The following LRP1B variants were observed in gnomAD, a reference collection of about 807,000 sequenced individuals.
LRP1B encodes low-density lipoprotein receptor-related protein 1B.
Under a neutral mutation model 556.6 loss-of-function variants are expected in LRP1B, and 217 were observed. That is an observed-to-expected ratio of 0.39 (90% confidence interval 0.35 to 0.44). The LOEUF (loss-of-function observed/expected upper bound fraction) is 0.44. Among genes scored for constraint, LRP1B ranks in the 20% least tolerant of loss-of-function variants. The pLI, the probability that LRP1B is intolerant of heterozygous loss-of-function variation, is 1.00. For missense variants in LRP1B, 5,053 were observed against 5,620.8 expected (o/e 0.90, Z 3.23); for synonymous variants, 2,047 against 1,865.8 (o/e 1.10, Z -2.50).
intron 32 of LRP1B, among the ~76,000 whole-genome samples, chr2:140,790,104 A>G (rs1349353498): frequency 3.9e-5 from 6 of 152,010 alleles, no homozygotes; most frequent in Non-Finnish European, 8.8e-5. Context: ...ACATTTTTGT[A>G]TATATTTATG....
intron 1 of LRP1B, among the ~76,000 whole-genome samples, chr2:141,974,745 A>T (rs900149836): frequency 6.6e-6 from 1 of 152,130 alleles, no homozygotes; most frequent in African/African-American, 2.4e-5. Context: ...GGAAAAAGAC[A>T]ACTAGCCTGA....
At chr2:141,675,571 T>C (rs891500831) in intron 2 of LRP1B, among the ~76,000 whole-genome samples, 29 of 151,940 alleles carry the variant, frequency 1.9e-4, no homozygotes, top group African/African-American at 6.0e-4. Context: ...ACCTACCCTA[T>C]AGGGATTTTG....
intron 2 of LRP1B, among the ~76,000 whole-genome samples, chr2:141,665,929 G>A (rs2105403625): frequency 6.6e-6 from 1 of 152,190 alleles, no homozygotes; most frequent in East Asian, 1.9e-4. Flanking sequence ...CATGGACATA[G>A]GGAGGGGAAC....
chr2:140,789,909 C>T (rs918873555), intron 32 of LRP1B, among the ~76,000 whole-genome samples: 4 of 151,966 alleles, frequency 2.6e-5, no homozygotes, highest in Admixed American at 6.6e-5. Context: ...GGATTACAGG[C>T]GTGAGCCACC....
chr2:141,112,522 C>A (rs1242995685), intron 7 of LRP1B, among the ~76,000 whole-genome samples: 1 of 152,114 alleles, frequency 6.6e-6, no homozygotes, highest in Non-Finnish European at 1.5e-5. Flanking sequence ...TTTGTTCAAG[C>A]ACGAGTTATA....
At chr2:140,239,378 T>A in intron 88 of LRP1B, 64 bp downstream of exon 88, 1 of 1,014,582 alleles carries the variant, frequency 9.9e-7, no homozygotes, top group Non-Finnish European at 1.5e-6. Context: ...CAACAAACAT[T>A]ATGTTTCTGC....
intron 25 of LRP1B, among the ~76,000 whole-genome samples, chr2:140,883,075 C>T (rs1050585463): frequency 6.6e-6 from 1 of 152,110 alleles, no homozygotes; most frequent in Admixed American, 6.6e-5. Flanking sequence ...GTTATTATCC[C>T]CAATTCATAG....
At chr2:141,924,224 A>T (rs1700275019) in intron 1 of LRP1B, among the ~76,000 whole-genome samples, 1 of 151,950 alleles carries the variant, frequency 6.6e-6, no homozygotes, top group South Asian at 2.1e-4. Context: ...TGTAGCAGGG[A>T]AAGAGAGAAG....
At position 140,444,351 on chromosome 2, in the gene LRP1B, C is replaced by T. The variant is rs1558886537; in HGVS notation, c.10273G>A (p.Glu3425Lys). Reference protein sequence around the residue: ...RCNGQDDCGDEEDERDCPENS... With the variant: ...RCNGQDDCGDKEDERDCPENS... Reference sequence around the variant, plus strand: ...TTACGACAGTCTCTTTCATCTTCCTCATCACCACAGTCATCTTGCCCATTA... The same window carrying T: ...TTACGACAGTCTCTTTCATCTTCCTTATCACCACAGTCATCTTGCCCATTA... The change falls in exon 65 of 91, where the codon GAG (glutamate) becomes AAG (lysine). Residue 3425 changes from glutamate (E) to lysine (K), a missense_variant. Transcript: ENST00000389484. The T allele has an allele frequency of 1.2e-6, 2 of 1,613,960 alleles. No homozygotes were observed. The highest frequency in any genetic ancestry group is 8.5e-7 in the Non-Finnish European group (1 of 1,179,904).
At chr2:140,952,918 C>T (rs144297014) in intron 18 of LRP1B, among the ~76,000 whole-genome samples, 5 of 152,098 alleles carry the variant, frequency 3.3e-5, no homozygotes, top group Non-Finnish European at 7.3e-5. Context: ...CAATATCAGA[C>T]CTTTAAGCTC....
intron 66 of LRP1B, among the ~76,000 whole-genome samples, chr2:140,396,173 T>G (rs545326301): frequency 1.3e-5 from 2 of 152,308 alleles, no homozygotes; most frequent in East Asian, 3.9e-4. Flanking sequence ...TGAGCCCCTG[T>G]TACAGATTCT....
intron 56 of LRP1B, among the ~76,000 whole-genome samples, chr2:140,494,959 G>A (rs894228466): frequency 6.6e-6 from 1 of 151,878 alleles, no homozygotes; most frequent in African/African-American, 2.4e-5. Flanking sequence ...TCATATTATT[G>A]CTTTGTATCA....
chr2:140,312,786 A>C (rs964892191), intron 83 of LRP1B, among the ~76,000 whole-genome samples: 3 of 151,898 alleles, frequency 2.0e-5, no homozygotes, highest in African/African-American at 7.2e-5. Context: ...GTTCATTATT[A>C]CAAACAGTAA....
chr2:140,509,846 C>G (rs951215355), intron 52 of LRP1B, 82 bp downstream of exon 52: 59 of 1,539,148 alleles, frequency 3.8e-5, no homozygotes, highest in Non-Finnish European at 5.1e-5. Context: ...GGGAAATGTG[C>G]TATGGCAAAT....
At chr2:140,864,181 T>C (rs1345208346) in intron 27 of LRP1B, among the ~76,000 whole-genome samples, 1 of 151,936 alleles carries the variant, frequency 6.6e-6, no homozygotes, top group Non-Finnish European at 1.5e-5. Flanking sequence ...TAGCTGCTAT[T>C]ATAATTATCG....
At chr2:141,254,765 C>T (rs1573717361) in intron 3 of LRP1B, 124 bp from the exon 4 acceptor site, 5 of 652,956 alleles carry the variant, frequency 7.7e-6, no homozygotes, top group Non-Finnish European at 1.2e-5. Context: ...TATGATTGGT[C>T]TAGAAAAAAA....
At chr2:140,311,085 A>T (rs1372820260) in intron 83 of LRP1B, among the ~76,000 whole-genome samples, 1 of 151,938 alleles carries the variant, frequency 6.6e-6, no homozygotes, top group African/African-American at 2.4e-5. Flanking sequence ...GGGAATGTAA[A>T]TTAGTATAGC....
chr2:141,931,061 C>T (rs1462501136), intron 1 of LRP1B, among the ~76,000 whole-genome samples: 1 of 152,004 alleles, frequency 6.6e-6, no homozygotes, highest in Admixed American at 6.6e-5. Flanking sequence ...CTGCACACCT[C>T]TGTGTTATTA....
intron 18 of LRP1B, among the ~76,000 whole-genome samples, chr2:140,967,894 C>T (rs1017791335): frequency 6.6e-6 from 1 of 151,626 alleles, no homozygotes; most frequent in African/African-American, 2.4e-5. Context: ...ATGAAGCCCA[C>T]TTGATCATGG....
Sources: allele counts gnomAD v4.1 joint callset (sites outside exome capture counted in the v4.1 genomes callset), GRCh38; gene constraint gnomAD v4.1.1; transcripts MANE v1.5; gene names NCBI Gene and HGNC (gene_info 2026-07-23, HGNC 2026-07-21).